Variants in PDE3B observed in about 807,000 individuals in gnomAD.
The protein encoded by PDE3B is phosphodiesterase 3B, also known as cGMP-inhibited 3',5'-cyclic phosphodiesterase 3B.
PDE3B carries 66 observed loss-of-function variants against 116.8 expected under a neutral mutation model. That is an observed-to-expected ratio of 0.56 (90% CI 0.46 to 0.69). The LOEUF is 0.69. PDE3B is among the 30% of genes least tolerant of loss of function. The probability of loss-of-function intolerance (pLI) is 0.00; values close to 1 mark genes in which losing one functional copy is unlikely to be tolerated. For missense variants in PDE3B, 1,384 were observed against 1,368.1 expected, an observed-to-expected ratio of 1.01 and a Z score of -0.18; for synonymous variants, 595 against 533.6, an observed-to-expected ratio of 1.12 and a Z score of -1.59.
chr11:14,884,449 G>A, the PDE3B span, among the ~76,000 whole-genome samples: 17 of 148,044 alleles, frequency 1.1e-4, no homozygotes, highest in South Asian at 8.5e-4. Context: ...ACCAAACACC[G>A]CATATTCTCA....
intron 12 of PDE3B, among the ~76,000 whole-genome samples, chr11:14,849,613 T>G (rs1473426828): frequency 6.6e-6 from 1 of 152,084 alleles, no homozygotes; most frequent in Non-Finnish European, 1.5e-5. Flanking sequence ...ATATCCAGAA[T>G]CTACAATGAA....
intron 14 of PDE3B, 45 bp from the exon 15 acceptor site, chr11:14,867,461 T>C: frequency 1.3e-6 from 2 of 1,567,754 alleles, no homozygotes; most frequent in Non-Finnish European, 1.7e-6. Context: ...TCAGTGGTGG[T>C]TCTTTCACCA....
chr11:14,748,365 A>AT (rs554956013), intron 1 of PDE3B, among the ~76,000 whole-genome samples: 3 of 152,114 alleles, frequency 2.0e-5, no homozygotes, highest in South Asian at 2.1e-4. Context: ...TTAAATCACA[A>AT]TTTTTTTTCT....
intron 1 of PDE3B, among the ~76,000 whole-genome samples, chr11:14,750,203 T>A (rs571613683): frequency 3.2e-4 from 48 of 151,978 alleles, no homozygotes; most frequent in Middle Eastern, 3.4e-3. Context: ...CAAATGTTAA[T>A]CTCATCCAGA....
intron 7 of PDE3B, 56 bp from the exon 8 acceptor site, chr11:14,830,642 C>T: frequency 2.9e-6 from 2 of 701,190 alleles, no homozygotes; most frequent in Non-Finnish European, 4.4e-6. Flanking sequence ...TCATGTAAAG[C>T]TGTACATATA....
chr11:14,846,355 G>A (rs1411559929), intron 12 of PDE3B, among the ~76,000 whole-genome samples: 1 of 152,090 alleles, frequency 6.6e-6, no homozygotes, highest in Non-Finnish European at 1.5e-5. Context: ...AACATGGAAA[G>A]GAACAACTGG....
At chr11:14,813,163 G>A (rs1045364048) in intron 5 of PDE3B, among the ~76,000 whole-genome samples, 14 of 152,032 alleles carry the variant, frequency 9.2e-5, no homozygotes, top group African/African-American at 3.4e-4. Flanking sequence ...AATCCAAAGG[G>A]ACTAACACAC....
chr11:14,804,399 A>T lies in PDE3B; in HGVS notation c.1522+349A>T, dbSNP rs1373668225. On this transcript the variant is annotated intron_variant, in intron 5 of 15. Transcript: ENST00000282096. ...TAGAATGATAATTGTGGAGAAAAAA[A>T]TTTTAGGATTAGAATAGAAAAAACC... Among the ~76,000 whole-genome samples, 3 of 152,206 alleles carry T rather than the reference A, an allele frequency of 2.0e-5. No individual in the cohort carries two copies. In the East Asian group the frequency reaches 5.8e-4, roughly 29 times the overall value.
chr11:14,809,092 C>A (rs1312456308), intron 5 of PDE3B, among the ~76,000 whole-genome samples: 1 of 152,136 alleles, frequency 6.6e-6, no homozygotes, highest in Admixed American at 6.5e-5. Flanking sequence ...CTCCCACTTT[C>A]AAATTTTAAA....
intron 1 of PDE3B, among the ~76,000 whole-genome samples, chr11:14,688,151 C>T (rs530357853): frequency 5.4e-5 from 7 of 128,736 alleles, no homozygotes; most frequent in African/African-American, 1.8e-4. Context: ...CTCCCTCCCT[C>T]CCTCCATCCC....
intron 1 of PDE3B, among the ~76,000 whole-genome samples, chr11:14,650,288 C>CTT (rs755813181): frequency 1.2e-4 from 18 of 151,162 alleles, no homozygotes; most frequent in Admixed American, 4.0e-4. Flanking sequence ...ACTGCAAACT[C>CTT]TGCCTTGCAG....
chr11:14,737,663 A>G (rs1399589778), intron 1 of PDE3B, among the ~76,000 whole-genome samples: 1 of 152,144 alleles, frequency 6.6e-6, no homozygotes, highest in Non-Finnish European at 1.5e-5. Context: ...CACATGCACA[A>G]TGTGCAGGTT....
intron 1 of PDE3B, among the ~76,000 whole-genome samples, chr11:14,657,581 T>C (rs1441349303): frequency 1.3e-5 from 2 of 152,206 alleles, no homozygotes; most frequent in African/African-American, 4.8e-5. Context: ...GTGTTTATCA[T>C]TATGTAAGTC....
At chr11:14,675,043 T>G (rs1854490081) in intron 1 of PDE3B, among the ~76,000 whole-genome samples, 1 of 152,152 alleles carries the variant, frequency 6.6e-6, no homozygotes, top group South Asian at 2.1e-4. Flanking sequence ...ATTAAGGCAG[T>G]TTGGGATAAG....
At chr11:14,680,333 T>C (rs1248802583) in intron 1 of PDE3B, among the ~76,000 whole-genome samples, 2 of 152,192 alleles carry the variant, frequency 1.3e-5, no homozygotes, top group Admixed American at 1.3e-4. Flanking sequence ...TTGATGCTGC[T>C]GTTCCAAGCA....
At chr11:14,772,493 C>T (rs1180280822) in intron 2 of PDE3B, 1 of 152,200 alleles carries the variant, frequency 6.6e-6, no homozygotes, top group African/African-American at 2.4e-5. Flanking sequence ...GTTAAACATC[C>T]CATGTAACTG....
chr11:14,778,346 T>C (rs909499693), intron 2 of PDE3B, among the ~76,000 whole-genome samples: 3 of 152,204 alleles, frequency 2.0e-5, no homozygotes, highest in African/African-American at 7.2e-5. Context: ...GTTTGAGATC[T>C]AAGAATGGAC....
At position 14,694,707 on chromosome 11, in the gene PDE3B, A is replaced by G. The variant is rs570428719; in HGVS notation, c.978+49654A>G. On this transcript the variant is annotated intron_variant, in intron 1 of 15. Transcript: ENST00000282096. ...TTCATGTGACATGCTTTATTCTGAT[A>G]CTCACTTTATTTCAGTGGTCCAGAA... 2.2e-3 allele frequency among the ~76,000 whole-genome samples: 339 copies of G among 152,190 alleles called. 1 individual carries two copies. The highest frequency in any genetic ancestry group is 4.1e-3 in the Admixed American group (62 of 15,282).
At chr11:14,654,936 T>C (rs1158509019) in intron 1 of PDE3B, among the ~76,000 whole-genome samples, 2 of 125,630 alleles carry the variant, frequency 1.6e-5, no homozygotes, top group African/African-American at 6.1e-5. Context: ...ATAATTAATA[T>C]CAGAGAAAAA....
Sources: allele counts gnomAD v4.1 joint callset (sites outside exome capture counted in the v4.1 genomes callset), GRCh38; gene constraint gnomAD v4.1.1; transcripts MANE v1.5; gene names NCBI Gene and HGNC (gene_info 2026-07-23, HGNC 2026-07-21).